Variants in GALNT13 observed in about 807,000 individuals in gnomAD.
GALNT13 encodes UDP-GalNAc:polypeptide N-acetylgalactosaminyltransferase 13.
A neutral mutation model predicts 64.2 loss-of-function variants in GALNT13; 28 were observed. The ratio of observed to expected loss-of-function variants is 0.44; its 90% CI spans 0.32 to 0.60. The LOEUF is 0.60. Ranked by LOEUF, GALNT13 falls within the 20% of genes least tolerant of loss-of-function variation. The probability of loss-of-function intolerance (pLI) is 0.05; values close to 1 mark genes in which losing one functional copy is unlikely to be tolerated. For missense variants in GALNT13, 577 were observed against 669.8 expected, an observed-to-expected ratio of 0.86 and a Z score of 1.53; for synonymous variants, 214 against 224.6, an observed-to-expected ratio of 0.95 and a Z score of 0.42.
intron 9 of GALNT13, among the ~76,000 whole-genome samples, chr2:154,372,143 C>T (rs799779): frequency 0.99 from 150,940 of 152,246 alleles, 74,841 homozygotes; most frequent in Middle Eastern, 1. Context: ...AAAAAATTAG[C>T]CTTTTCTCAG....
the GALNT13 span, among the ~76,000 whole-genome samples, chr2:153,505,313 C>T: frequency 6.6e-6 from 1 of 152,050 alleles, no homozygotes; most frequent in Non-Finnish European, 1.5e-5. Flanking sequence ...TTTATCTTTT[C>T]AAACAACCAG....
intron 11 of GALNT13, among the ~76,000 whole-genome samples, chr2:154,433,225 A>G (rs1452445917): frequency 6.6e-6 from 1 of 152,172 alleles, no homozygotes; most frequent in Non-Finnish European, 1.5e-5. Flanking sequence ...GCTTGTGACA[A>G]CTGAATACAG....
chr2:154,090,832 A>G (rs556823286), intron 3 of GALNT13, among the ~76,000 whole-genome samples: 2 of 152,176 alleles, frequency 1.3e-5, no homozygotes, highest in African/African-American at 4.8e-5. Flanking sequence ...TCTAAAATAC[A>G]ACATTTAAAA....
At chr2:154,387,566 T>A (rs1698573443) in intron 9 of GALNT13, among the ~76,000 whole-genome samples, 1 of 152,158 alleles carries the variant, frequency 6.6e-6, no homozygotes, top group Admixed American at 6.5e-5. Context: ...GATTAATAAC[T>A]CCTCATTCCT....
the GALNT13 span, among the ~76,000 whole-genome samples, chr2:153,850,502 A>G: frequency 6.6e-6 from 1 of 152,228 alleles, no homozygotes. Context: ...AAAAGGTAGA[A>G]TTAACAATGT....
rs541936548 is a variant in GALNT13 at position 154,409,750 on chromosome 2, C to A, written c.1395+668C>A. Among the ~76,000 whole-genome samples the A allele has an allele frequency of 5.3e-5, 8 of 152,022 alleles. 1 individual carries two copies. The highest frequency in any genetic ancestry group is 1.9e-4 in the African/African-American group (8 of 41,516). ...CAAAGCAGAGTTTGAGGTAGCTAATCCTCTGTAAACAAGTTATCTACAGAA... is the reference window on the plus strand; with the variant it reads ...CAAAGCAGAGTTTGAGGTAGCTAATACTCTGTAAACAAGTTATCTACAGAA... On this transcript the variant is annotated intron_variant, in intron 11 of 12. Transcript: ENST00000392825.
At chr2:153,620,788 G>A in the GALNT13 span, among the ~76,000 whole-genome samples, 1 of 151,854 alleles carries the variant, frequency 6.6e-6, no homozygotes, top group Non-Finnish European at 1.5e-5. Context: ...ATTTGATGAG[G>A]TTAAGTTTTC....
the GALNT13 span, among the ~76,000 whole-genome samples, chr2:153,210,642 TG>T: frequency 0.13 from 19,415 of 152,174 alleles, 1,422 homozygotes; most frequent in Middle Eastern, 0.19. Context: ...TGTCTGGTTT[TG>T]GTATTTGGAT....
At chr2:153,958,428 CATT>C (rs1188300687) in intron 3 of GALNT13, among the ~76,000 whole-genome samples, 1 of 152,164 alleles carries the variant, frequency 6.6e-6, no homozygotes, top group African/African-American at 2.4e-5. Context: ...TGTAAAGTAT[CATT>C]ATAACATATA....
chr2:153,730,186 C>T, the GALNT13 span, among the ~76,000 whole-genome samples: 1 of 151,954 alleles, frequency 6.6e-6, no homozygotes, highest in Admixed American at 6.6e-5. Flanking sequence ...TACCTGACTT[C>T]AAATTATACT....
the GALNT13 span, among the ~76,000 whole-genome samples, chr2:153,783,388 T>C: frequency 6.7e-6 from 1 of 148,844 alleles, no homozygotes; most frequent in Admixed American, 6.7e-5. Flanking sequence ...TCTAAGAGAT[T>C]TCTGTTTTTG....
At chr2:153,281,074 A>G in the GALNT13 span, among the ~76,000 whole-genome samples, 1 of 152,006 alleles carries the variant, frequency 6.6e-6, no homozygotes, top group Non-Finnish European at 1.5e-5. Flanking sequence ...TAGAATAGCT[A>G]GGTTTTCTTG....
chr2:153,166,175 C>T, the GALNT13 span, among the ~76,000 whole-genome samples: 1 of 152,158 alleles, frequency 6.6e-6, no homozygotes, highest in African/African-American at 2.4e-5. Context: ...CTTTTGAGGT[C>T]TGTGTCTCCT....
At chr2:153,145,091 G>A in the GALNT13 span, among the ~76,000 whole-genome samples, 2 of 151,820 alleles carry the variant, frequency 1.3e-5, no homozygotes, top group East Asian at 3.9e-4. Flanking sequence ...TAGATATGAA[G>A]AAGTGAAAGG....
chr2:153,478,120 A>C, the GALNT13 span: 2 of 778,582 alleles, frequency 2.6e-6, no homozygotes, highest in Non-Finnish European at 2.0e-6. Flanking sequence ...GCCGAAGTCG[A>C]GAGAAATAAT....
chr2:153,107,009 A>G, the GALNT13 span, among the ~76,000 whole-genome samples: 1 of 152,170 alleles, frequency 6.6e-6, no homozygotes, highest in South Asian at 2.1e-4. Context: ...GTAGGTAAAT[A>G]GGTTTTCAAA....
chr2:153,961,669 TA>T (rs1161262416), intron 3 of GALNT13, among the ~76,000 whole-genome samples: 1 of 152,134 alleles, frequency 6.6e-6, no homozygotes, highest in Non-Finnish European at 1.5e-5. Context: ...TAATAATCTT[TA>T]AAAAATGGAA....
At chr2:154,010,498 A>G (rs561514477) in intron 3 of GALNT13, among the ~76,000 whole-genome samples, 1 of 152,250 alleles carries the variant, frequency 6.6e-6, no homozygotes, top group South Asian at 2.1e-4. Flanking sequence ...CTAGTATTTT[A>G]TTGAGGACTT....
At chr2:153,965,587 A>G (rs1275131206) in intron 3 of GALNT13, among the ~76,000 whole-genome samples, 1 of 152,080 alleles carries the variant, frequency 6.6e-6, no homozygotes, top group Non-Finnish European at 1.5e-5. Flanking sequence ...TGGTTGTTTC[A>G]TAAATCCTTT....
Sources: gnomAD v4.1 joint callset for allele counts (sites outside exome capture counted in the v4.1 genomes callset) on GRCh38, gnomAD v4.1.1 for gene constraint, MANE v1.5 for transcripts, NCBI Gene and HGNC (gene_info 2026-07-23, HGNC 2026-07-21) for gene names.